Variants in NEK4 observed in about 807,000 individuals in gnomAD.
NEK4 encodes serine/threonine-protein kinase Nek4.
In NEK4, 86 loss-of-function variants were observed where a neutral mutation model predicts 98.4. That is an observed-to-expected ratio of 0.87 (90% CI 0.73 to 1.05). The LOEUF is 1.05. Ranked by LOEUF, NEK4 falls within the 50% of genes least tolerant of loss-of-function variation. The pLI is 0.00. For missense variants in NEK4, 898 were observed against 950.3 expected (o/e 0.94, Z 0.72); for synonymous variants, 328 against 342.2 (o/e 0.96, Z 0.46).
intron 15 of NEK4, among the ~76,000 whole-genome samples, chr3:52,714,177 A>G (rs2097352955): frequency 6.6e-6 from 1 of 152,210 alleles, no homozygotes; most frequent in Non-Finnish European, 1.5e-5. Context: ...CAGAGACTGC[A>G]GTGAGCCGTG....
chr3:52,747,093 T>A (rs962208115), intron 8 of NEK4, among the ~76,000 whole-genome samples, 189 bp from the exon 9 acceptor site: 3 of 152,056 alleles, frequency 2.0e-5, no homozygotes, highest in Non-Finnish European at 4.4e-5. Flanking sequence ...CAATGTAAAG[T>A]TCACAATATG....
chr3:52,743,500 G>C, intron 11 of NEK4, 39 bp from the exon 12 acceptor site: 1 of 1,523,094 alleles, frequency 6.6e-7, no homozygotes, highest in Non-Finnish European at 9.1e-7. Context: ...TTTGTGGTGG[G>C]CTGCCCCAGT....
In NEK4 at chr3:52,766,369, G is replaced by A. The variant is rs1324558890; in HGVS notation, c.367C>T (p.His123Tyr). ...VQIAMALQYL[H>Y]EKHILHRDLK... ...TCTCGATGAAGGATGTGTTTTTCAT[G>A]TAAATACTGAGGAAAGAAACAAGAT... The change falls in exon 3 of 16, where the codon CAT becomes TAT. Residue 123 changes from histidine (H) to tyrosine (Y), a missense_variant. By Grantham distance (83) the His-to-Tyr change is moderately conservative (BLOSUM62 2). Coordinates refer to ENST00000233027, the MANE Select transcript of NEK4 (RefSeq NM_003157.6). 6 of 1,609,780 alleles carry A rather than the reference G, an allele frequency of 3.7e-6. No individual in the cohort carries two copies. Among genetic ancestry groups the A allele is most frequent in the Non-Finnish European group, 5.1e-6 (6 of 1,176,172 alleles).
rs925831843 is a variant in NEK4, at chr3:52,768,222, T to C, written c.360+116A>G. The stretch of plus-strand genomic sequence containing the variant: ...TGACTGGGTCAACTTCACAAATGAA[T>C]TTTCCAAAAAATACATTTCTATATG... On this transcript the variant is annotated intron_variant, in intron 2 of 15. Coordinates refer to ENST00000233027, the MANE Select transcript of NEK4 (RefSeq NM_003157.6). 4.3e-6 allele frequency: 4 copies of C among 938,858 alleles called. No individual in the cohort carries two copies. In the African/African-American group the frequency reaches 6.5e-5, roughly 15 times the overall value. 58.2% of individuals were successfully genotyped at this position (938,858 alleles called of 1,614,324 possible).
chr3:52,738,772 G>A (rs2097380753), intron 14 of NEK4, among the ~76,000 whole-genome samples: 1 of 152,058 alleles, frequency 6.6e-6, no homozygotes, highest in Admixed American at 6.6e-5. Context: ...TTGTTATACT[G>A]ACATTCTTTT....
At chr3:52,740,618 T>C (rs2097384154) in intron 13 of NEK4, among the ~76,000 whole-genome samples, 1 of 151,152 alleles carries the variant, frequency 6.6e-6, no homozygotes. Flanking sequence ...GCCAATATGG[T>C]GAAACCCAGT....
chr3:52,729,601 G>T (rs941681270), intron 15 of NEK4, among the ~76,000 whole-genome samples: 1 of 151,732 alleles, frequency 6.6e-6, no homozygotes, highest in African/African-American at 2.4e-5. Flanking sequence ...CCAGCTACTT[G>T]GGAGGCTGAG....
intron 1 of NEK4, 139 bp downstream of exon 1, chr3:52,770,515 C>G: frequency 1.5e-6 from 1 of 648,770 alleles, no homozygotes; most frequent in East Asian, 2.9e-5. Context: ...CAGGCCTCGT[C>G]TTGGTCTGGG....
intron 15 of NEK4, among the ~76,000 whole-genome samples, chr3:52,714,896 C>A (rs1163284039): frequency 6.6e-6 from 1 of 152,230 alleles, no homozygotes; most frequent in Non-Finnish European, 1.5e-5. Context: ...GACACACCAG[C>A]CCCCTGCCAC....
In NEK4 at chr3:52,731,922, G is replaced by T. The variant is rs117094341; in HGVS notation, c.2433+5664C>A. Among the ~76,000 whole-genome samples, 20 of 152,322 alleles carry T rather than the reference G, an allele frequency of 1.3e-4. 1 individual carries two copies. The East Asian group carries it at 3.3e-3, about 25-fold the overall frequency. On this transcript the variant is annotated intron_variant, in intron 15 of 15. Coordinates refer to ENST00000233027, the MANE Select transcript of NEK4 (RefSeq NM_003157.6). Reference sequence around the variant, plus strand: ...TCCCATGCGGTTCTCATGATAGTGAGTAAGTCTCACGAGATCTGACGGTTT... The same window carrying T: ...TCCCATGCGGTTCTCATGATAGTGATTAAGTCTCACGAGATCTGACGGTTT...
chr3:52,712,591 G>A (rs893455655), intron 15 of NEK4, among the ~76,000 whole-genome samples: 3 of 152,224 alleles, frequency 2.0e-5, no homozygotes, highest in Admixed American at 6.5e-5. Flanking sequence ...CAGATCACAC[G>A]TGGGCTTGGA....
At chr3:52,768,037 A>C (rs1698639958) in intron 2 of NEK4, among the ~76,000 whole-genome samples, 1 of 152,240 alleles carries the variant, frequency 6.6e-6, no homozygotes, top group South Asian at 2.1e-4. Flanking sequence ...ATGGATAACA[A>C]ACATAGTCAC....
At chr3:52,754,524 A>T in intron 6 of NEK4, 1 of 1,255,702 alleles carries the variant, frequency 8.0e-7, no homozygotes, top group South Asian at 1.2e-5. Flanking sequence ...GACTCATGCA[A>T]TTAGCTTTTC....
At chr3:52,752,955 A>ACCCACACACACACACACACACAC (rs1559441493) in intron 6 of NEK4, among the ~76,000 whole-genome samples, 1 of 125,992 alleles carries the variant, frequency 7.9e-6, no homozygotes, top group African/African-American at 3.4e-5. Context: ...CACACACACA[A>ACCCACACACACACACACACACAC]TGGAATATTT....
chr3:52,770,686 T>C lies in NEK4; in HGVS notation c.61A>G (p.Thr21Ala). 6.4e-7 allele frequency: 1 copy of C among 1,574,172 alleles called. No individual in the cohort carries two copies. The highest frequency in any genetic ancestry group is 8.6e-7 in the Non-Finnish European group (1 of 1,161,016). The change falls in exon 1 of 16, where the codon ACG becomes GCG. Residue 21 changes from threonine to alanine, a missense_variant. Coordinates refer to ENST00000233027, the MANE Select transcript of NEK4 (RefSeq NM_003157.6). Reference protein sequence around the residue: ...VVGKGSYGEVTLVKHRRDGKQ... With the variant: ...VVGKGSYGEVALVKHRRDGKQ... ...CCGTCCCGCCGGTGCTTCACAAGCG[T>C]CACCTCTCCATAGCTCCCCTTGCCC...
intron 15 of NEK4, among the ~76,000 whole-genome samples, chr3:52,728,995 TTAAGA>T (rs1361358684): frequency 1.3e-5 from 2 of 152,144 alleles, no homozygotes; most frequent in African/African-American, 2.4e-5. Context: ...TTTCTGTTGT[TTAAGA>T]TGTTTATCAA....
intron 12 of NEK4, 118 bp from the exon 13 acceptor site, chr3:52,741,617 G>C: frequency 1.0e-5 from 6 of 582,894 alleles, no homozygotes; most frequent in Non-Finnish European, 1.2e-5. Flanking sequence ...AATATAACAG[G>C]AGAATCTAAC....
At chr3:52,764,699 A>G (rs894902861) in intron 4 of NEK4, among the ~76,000 whole-genome samples, 6 of 152,078 alleles carry the variant, frequency 3.9e-5, no homozygotes, top group Admixed American at 3.9e-4. Flanking sequence ...CAAAAAAACA[A>G]GTTATGTACC....
rs1008619273 is a variant in NEK4 at position 52,744,297 on chromosome 3, T to C, written c.1836A>G (p.Pro612=). ...SSEMSSSKDR[P]LSARERRRLK... ...GTCGCCTCCTCTCTCTGGCTGATAA[T>C]GGTCGATCCTTTAAAAGAAAGTCAC... The change falls in exon 11 of 16, where the codon CCA becomes CCG. Residue 612 remains proline (P), a synonymous_variant. Coordinates refer to ENST00000233027, the MANE Select transcript of NEK4 (RefSeq NM_003157.6). 5.6e-6 allele frequency: 9 copies of C among 1,613,236 alleles called. No individual in the cohort carries two copies. The highest frequency in any genetic ancestry group is 4.0e-5 in the African/African-American group (3 of 74,920).
Sources: allele counts gnomAD v4.1 joint callset (sites outside exome capture counted in the v4.1 genomes callset), GRCh38; gene constraint gnomAD v4.1.1; transcripts MANE v1.5; gene names NCBI Gene and HGNC (gene_info 2026-07-23, HGNC 2026-07-21).